Variants in CORIN observed in about 807,000 individuals in gnomAD.
CORIN encodes atrial natriuretic peptide-converting enzyme.
Under a neutral mutation model 125.3 loss-of-function variants are expected in CORIN, and 117 were observed. The observed-to-expected ratio is 0.93, with a 90% CI of 0.80 to 1.09. The LOEUF is 1.09. CORIN is among the 50% of genes least tolerant of loss of function. The pLI is 0.00. For missense variants in CORIN, 1,253 were observed against 1,306.7 expected (o/e 0.96, Z 0.63); for synonymous variants, 450 against 466.4 (o/e 0.96, Z 0.45).
intron 1 of CORIN, among the ~76,000 whole-genome samples, chr4:47,822,825 T>TC (rs2109977793): frequency 6.6e-6 from 1 of 152,112 alleles, no homozygotes; most frequent in East Asian, 1.9e-4. Flanking sequence ...CATTTCTTTT[T>TC]TTTTTTTTTG....
intron 5 of CORIN, among the ~76,000 whole-genome samples, chr4:47,720,256 G>A (rs1406728157): frequency 6.6e-6 from 1 of 152,120 alleles, no homozygotes; most frequent in Admixed American, 6.5e-5. Context: ...AACACTACAT[G>A]TTTTCTTCAA....
intron 21 of CORIN, among the ~76,000 whole-genome samples, chr4:47,597,231 A>G (rs1441198540): frequency 6.6e-6 from 1 of 152,096 alleles, no homozygotes; most frequent in East Asian, 1.9e-4. Flanking sequence ...GGAAACCTGT[A>G]ATCCCAGCTA....
intron 16 of CORIN, among the ~76,000 whole-genome samples, chr4:47,628,849 T>C (rs1722691148): frequency 6.6e-6 from 1 of 152,148 alleles, no homozygotes; most frequent in African/African-American, 2.4e-5. Context: ...TGTGTGTATG[T>C]GTATTCTTTG....
chr4:47,822,159 A>C (rs1226340895), intron 1 of CORIN, among the ~76,000 whole-genome samples: 1 of 152,234 alleles, frequency 6.6e-6, no homozygotes, highest in African/African-American at 2.4e-5. Context: ...TATTAAACAA[A>C]ATGTATTTAC....
intron 1 of CORIN, among the ~76,000 whole-genome samples, chr4:47,811,537 TG>T (rs542946749): frequency 8.8e-4 from 134 of 152,272 alleles, no homozygotes; most frequent in African/African-American, 3.0e-3. Flanking sequence ...AGGTTCTAGC[TG>T]GGGGGTGCAC....
intron 2 of CORIN, among the ~76,000 whole-genome samples, chr4:47,792,064 C>A (rs1346152163): frequency 6.6e-6 from 1 of 152,120 alleles, no homozygotes; most frequent in East Asian, 1.9e-4. Context: ...AGACGAGTAT[C>A]CTAAATGTGA....
At chr4:47,695,426 A>T (rs2109747055) in intron 5 of CORIN, among the ~76,000 whole-genome samples, 1 of 152,286 alleles carries the variant, frequency 6.6e-6, no homozygotes, top group South Asian at 2.1e-4. Flanking sequence ...ATAGCTCCTA[A>T]CCTCCAGATT....
intron 1 of CORIN, among the ~76,000 whole-genome samples, chr4:47,818,577 G>A (rs529680546): frequency 7.6e-4 from 116 of 152,264 alleles, no homozygotes; most frequent in Non-Finnish European, 1.3e-3. Context: ...ATGCCTAAAA[G>A]ATTGGACAAC....
chr4:47,650,805 G>A (rs1286029819), intron 13 of CORIN, among the ~76,000 whole-genome samples: 1 of 152,148 alleles, frequency 6.6e-6, no homozygotes, highest in Non-Finnish European at 1.5e-5. Context: ...CAGTACTTCT[G>A]TACTGACACA....
intron 10 of CORIN, 112 bp downstream of exon 10, chr4:47,674,281 G>A (rs753050825): frequency 6.5e-5 from 49 of 751,930 alleles, no homozygotes; most frequent in Non-Finnish European, 1.0e-4. Flanking sequence ...AAGAAAATAG[G>A]TAGGCTTTTT....
chr4:47,750,097 G>A (rs1314332682), intron 4 of CORIN, among the ~76,000 whole-genome samples: 2 of 152,138 alleles, frequency 1.3e-5, no homozygotes, highest in Non-Finnish European at 1.5e-5. Context: ...AACACTACTG[G>A]AAAACCCAAA....
intron 15 of CORIN, 70 bp from the exon 16 acceptor site, chr4:47,642,119 A>G (rs1577773033): frequency 6.6e-7 from 1 of 1,507,062 alleles, no homozygotes. Context: ...ATAACTTTAC[A>G]TGCCTCTGCT....
intron 12 of CORIN, among the ~76,000 whole-genome samples, chr4:47,654,110 G>A (rs1339136198): frequency 6.6e-6 from 1 of 152,150 alleles, no homozygotes; most frequent in East Asian, 1.9e-4. Context: ...AAGGTTTGAT[G>A]TTCACCTTTG....
intron 16 of CORIN, among the ~76,000 whole-genome samples, chr4:47,629,731 C>T (rs1052400925): frequency 6.6e-6 from 1 of 152,136 alleles, no homozygotes; most frequent in Non-Finnish European, 1.5e-5. Context: ...CACTTAGTGA[C>T]TTATCTTAGA....
chr4:47,605,129 T>C (rs1460510004), intron 19 of CORIN, among the ~76,000 whole-genome samples: 1 of 152,142 alleles, frequency 6.6e-6, no homozygotes, highest in Non-Finnish European at 1.5e-5. Context: ...CTCAGAGCTG[T>C]TTCCCCAGCC....
At chr4:47,623,117 TAC>T (rs1553904959) in intron 19 of CORIN, among the ~76,000 whole-genome samples, 6,562 of 133,982 alleles carry the variant, frequency 0.049, 202 homozygotes, top group Non-Finnish European at 0.055. Flanking sequence ...TATATATATA[TAC>T]ACACACACAC....
intron 5 of CORIN, among the ~76,000 whole-genome samples, chr4:47,702,533 G>A (rs140372014): frequency 0.014 from 2,135 of 152,090 alleles, 34 homozygotes; most frequent in Middle Eastern, 0.031. Flanking sequence ...TTTCTTATTC[G>A]TTGGGCTATA....
chr4:47,651,876 T>A (rs1005584092), intron 13 of CORIN, among the ~76,000 whole-genome samples: 1 of 152,192 alleles, frequency 6.6e-6, no homozygotes, highest in African/African-American at 2.4e-5. Context: ...GTTCTAGAAC[T>A]CAGAACTTTT....
At chr4:47,599,767 C>A (rs1359600698) in intron 21 of CORIN, among the ~76,000 whole-genome samples, 1 of 152,044 alleles carries the variant, frequency 6.6e-6, no homozygotes, top group Non-Finnish European at 1.5e-5. Flanking sequence ...TGTCTCACAC[C>A]CTGGAAGTTG....
Sources: gnomAD v4.1 joint callset for allele counts (sites outside exome capture counted in the v4.1 genomes callset) on GRCh38, gnomAD v4.1.1 for gene constraint, MANE v1.5 for transcripts, NCBI Gene and HGNC (gene_info 2026-07-23, HGNC 2026-07-21) for gene names.